The following RAB38 variants were observed in gnomAD, a reference collection of about 807,000 sequenced individuals.
RAB38 encodes the protein RAB38, member RAS oncogene family, also known as ras-related protein Rab-38.
A neutral mutation model predicts 18.4 loss-of-function variants in RAB38; 15 were observed. The ratio of observed to expected loss-of-function variants is 0.82; its 90% CI spans 0.55 to 1.26. RAB38 has a LOEUF of 1.26. RAB38 is among the 50% of genes most tolerant of loss of function. The pLI is 0.00. For missense variants in RAB38, 294 were observed against 267.4 expected (o/e 1.10, Z -0.69); for synonymous variants, 101 against 104.4 (o/e 0.97, Z 0.20).
intron 1 of RAB38, among the ~76,000 whole-genome samples, chr11:88,156,298 A>G (rs1174456604): frequency 6.6e-6 from 1 of 152,212 alleles, no homozygotes; most frequent in Non-Finnish European, 1.5e-5. Context: ...AAATTGCATA[A>G]AAAGGAAACC....
At chr11:88,046,401 C>G in the RAB38 span, among the ~76,000 whole-genome samples, 1 of 152,202 alleles carries the variant, frequency 6.6e-6, no homozygotes, top group African/African-American at 2.4e-5. Context: ...CTCAATACCT[C>G]TCTCCACAAC....
At chr11:87,847,292 C>G in the RAB38 span, among the ~76,000 whole-genome samples, 1 of 151,922 alleles carries the variant, frequency 6.6e-6, no homozygotes, top group Non-Finnish European at 1.5e-5. Context: ...TCAACAGTAT[C>G]AGTAATGAAT....
At chr11:87,804,954 G>T in the RAB38 span, among the ~76,000 whole-genome samples, 3 of 152,048 alleles carry the variant, frequency 2.0e-5, no homozygotes, top group Non-Finnish European at 4.4e-5. Context: ...AAAAAAAGTC[G>T]TTTGTCTCTC....
the RAB38 span, among the ~76,000 whole-genome samples, chr11:88,030,851 A>G: frequency 1.3e-5 from 2 of 152,050 alleles, no homozygotes; most frequent in South Asian, 2.1e-4. Context: ...CAATAGAAAA[A>G]GAGGGAATCC....
the RAB38 span, among the ~76,000 whole-genome samples, chr11:87,857,458 GA>G: frequency 6.6e-6 from 1 of 152,126 alleles, no homozygotes; most frequent in Admixed American, 6.6e-5. Flanking sequence ...CACAATCATT[GA>G]ACTAGTTTAC....
chr11:88,079,252 A>G, the RAB38 span, among the ~76,000 whole-genome samples: 7 of 151,858 alleles, frequency 4.6e-5, no homozygotes, highest in Admixed American at 6.6e-5. Context: ...AAACAGCATT[A>G]TAAGTCCAAC....
At chr11:87,886,961 A>G in the RAB38 span, among the ~76,000 whole-genome samples, 1 of 151,954 alleles carries the variant, frequency 6.6e-6, no homozygotes, top group South Asian at 2.1e-4. Flanking sequence ...ATCAGCCAGC[A>G]TAACTTTAAT....
chr11:88,045,559 T>G, the RAB38 span, among the ~76,000 whole-genome samples: 2 of 152,144 alleles, frequency 1.3e-5, no homozygotes, highest in African/African-American at 4.8e-5. Flanking sequence ...CCACTGGAAA[T>G]TGGACTGTTC....
chr11:87,956,108 C>T, the RAB38 span, among the ~76,000 whole-genome samples: 1 of 148,686 alleles, frequency 6.7e-6, no homozygotes, highest in African/African-American at 2.5e-5. Context: ...AACAAACATA[C>T]ATACATACAT....
the RAB38 span, among the ~76,000 whole-genome samples, chr11:88,049,113 G>A: frequency 6.6e-6 from 1 of 152,032 alleles, no homozygotes; most frequent in Non-Finnish European, 1.5e-5. Flanking sequence ...CCCGCTTGAA[G>A]CAGCCCTGAG....
At chr11:87,976,839 ATATTG>A in the RAB38 span, among the ~76,000 whole-genome samples, 3 of 116,414 alleles carry the variant, frequency 2.6e-5, 1 homozygote, top group African/African-American at 3.5e-5. Flanking sequence ...ATATAAATAT[ATATTG>A]TGTTATATAA....
chr11:87,850,677 G>T, the RAB38 span, among the ~76,000 whole-genome samples: 1 of 150,550 alleles, frequency 6.6e-6, no homozygotes, highest in Non-Finnish European at 1.5e-5. Context: ...ACTGATTGAA[G>T]AATTAGCTTT....
the RAB38 span, among the ~76,000 whole-genome samples, chr11:88,052,915 T>TGAA: frequency 5.3e-5 from 1 of 18,922 alleles, no homozygotes; most frequent in South Asian, 1.7e-3. Flanking sequence ...TATATATATA[T>TGAA]ATATATATAT....
chr11:87,855,307 A>G, the RAB38 span, among the ~76,000 whole-genome samples: 1 of 152,156 alleles, frequency 6.6e-6, no homozygotes, highest in Non-Finnish European at 1.5e-5. Context: ...GTCTTCAGAT[A>G]TCATACCCAG....
chr11:87,886,332 T>C, the RAB38 span, among the ~76,000 whole-genome samples: 5 of 151,880 alleles, frequency 3.3e-5, no homozygotes, highest in Non-Finnish European at 7.4e-5. Flanking sequence ...TGTGTGTGTG[T>C]GTGCATGCAC....
At chr11:88,149,082 C>A (rs1591170559) in intron 2 of RAB38, among the ~76,000 whole-genome samples, 1 of 102,598 alleles carries the variant, frequency 9.7e-6, no homozygotes, top group Admixed American at 9.5e-5. Context: ...CATCTTCCAG[C>A]CCTGCCTCAG....
the RAB38 span, among the ~76,000 whole-genome samples, chr11:87,884,507 G>C: frequency 1.3e-5 from 2 of 151,910 alleles, no homozygotes; most frequent in South Asian, 4.1e-4. Context: ...AAGAAAGAAT[G>C]CTCTGGGCCT....
At chr11:87,911,863 C>T in the RAB38 span, among the ~76,000 whole-genome samples, 2 of 151,822 alleles carry the variant, frequency 1.3e-5, no homozygotes, top group South Asian at 4.1e-4. Flanking sequence ...TTTACAGATG[C>T]CATTTATCAA....
intron 1 of RAB38, among the ~76,000 whole-genome samples, chr11:88,154,671 AT>A (rs1232118257): frequency 1.3e-5 from 2 of 152,126 alleles, no homozygotes; most frequent in Non-Finnish European, 2.9e-5. Context: ...CTACGCAGAT[AT>A]CCAGGCATTC....
Sources: gnomAD v4.1 joint callset for allele counts (sites outside exome capture counted in the v4.1 genomes callset) on GRCh38, gnomAD v4.1.1 for gene constraint, MANE v1.5 for transcripts, NCBI Gene and HGNC (gene_info 2026-07-23, HGNC 2026-07-21) for gene names.